The following PDE1C variants were observed in gnomAD, a reference collection of about 807,000 sequenced individuals.
The protein encoded by PDE1C is dual specificity calcium/calmodulin-dependent 3',5'-cyclic nucleotide phosphodiesterase 1C.
In PDE1C, 62 loss-of-function variants were observed where a neutral mutation model predicts 93.1. The observed-to-expected ratio is 0.67, with a 90% CI of 0.54 to 0.82. The LOEUF is 0.82. PDE1C is among the 40% of genes least tolerant of loss of function. PDE1C has a pLI of 0.00. For synonymous variants in PDE1C, 325 were observed against 310.1 expected (o/e 1.05, Z -0.50); for missense variants, 742 against 884.6 (o/e 0.84, Z 2.04).
chr7:32,233,416 T>A (rs1477690939), intron 1 of PDE1C, among the ~76,000 whole-genome samples: 1 of 152,160 alleles, frequency 6.6e-6, no homozygotes, highest in Non-Finnish European at 1.5e-5. Flanking sequence ...TAAAATGACC[T>A]AATTTATGAG....
At chr7:32,093,946 G>C (rs570506226) in intron 3 of PDE1C, among the ~76,000 whole-genome samples, 1 of 152,306 alleles carries the variant, frequency 6.6e-6, no homozygotes, top group East Asian at 1.9e-4. Flanking sequence ...CAATCTCAGG[G>C]ATAATACCCA....
At chr7:32,058,770 G>T (rs1396558418) in intron 1 of PDE1C, among the ~76,000 whole-genome samples, 1 of 152,094 alleles carries the variant, frequency 6.6e-6, no homozygotes, top group African/African-American at 2.4e-5. Flanking sequence ...ATAAACTGGT[G>T]GTCTCTTGAC....
intron 2 of PDE1C, among the ~76,000 whole-genome samples, chr7:31,940,167 C>A (rs559675070): frequency 1.3e-5 from 2 of 152,282 alleles, no homozygotes; most frequent in East Asian, 1.9e-4. Context: ...TTAGCAGAGA[C>A]AGAATTTGAA....
chr7:31,965,370 G>A (rs376868206), intron 2 of PDE1C, among the ~76,000 whole-genome samples: 11 of 152,294 alleles, frequency 7.2e-5, no homozygotes, highest in East Asian at 1.9e-4. Context: ...GATGGAAGAC[G>A]AAATGAATGA....
At chr7:32,112,810 G>A (rs1425667363) in intron 3 of PDE1C, among the ~76,000 whole-genome samples, 7 of 68,466 alleles carry the variant, frequency 1.0e-4, no homozygotes, top group Non-Finnish European at 1.9e-4. Flanking sequence ...ATATATGTGT[G>A]TGTGTGTGTG....
Position 31,968,454 on chromosome 7 carries a change from A to T in PDE1C, c.128+83100T>A, listed in dbSNP as rs1381908041. The stretch of plus-strand genomic sequence containing the variant: ...ACTACAAACCACTGCTCAATGAAAT[A>T]AAAGAGGATACAAACAAATGGAAGA... On this transcript the variant is annotated intron_variant, in intron 2 of 17. Transcript: ENST00000396191. Among the ~76,000 whole-genome samples, 10 of 152,142 alleles carry T rather than the reference A, an allele frequency of 6.6e-5. No homozygotes were observed. In the East Asian group the frequency reaches 1.7e-3, roughly 26 times the overall value.
chr7:31,691,838 A>G, the PDE1C span, among the ~76,000 whole-genome samples: 2 of 147,752 alleles, frequency 1.4e-5, no homozygotes, highest in African/African-American at 2.5e-5. Flanking sequence ...CAAAAAACCC[A>G]CAACAGAAGC....
intron 17 of PDE1C, among the ~76,000 whole-genome samples, chr7:31,761,938 C>T (rs1222612158): frequency 6.6e-6 from 1 of 152,186 alleles, no homozygotes; most frequent in Non-Finnish European, 1.5e-5. Context: ...ACTCACTTCA[C>T]AGGGCAATGG....
chr7:32,121,491 T>A (rs1292728551), intron 3 of PDE1C, among the ~76,000 whole-genome samples: 1 of 151,822 alleles, frequency 6.6e-6, no homozygotes, highest in East Asian at 1.9e-4. Context: ...AAAGGCCAGG[T>A]CATCTACATA....
chr7:31,961,392 A>G (rs998677886), intron 2 of PDE1C, among the ~76,000 whole-genome samples: 1 of 152,154 alleles, frequency 6.6e-6, no homozygotes, highest in Non-Finnish European at 1.5e-5. Context: ...AAATATATAA[A>G]GTATAATTGA....
At chr7:31,750,923 T>C (rs138402961), downstream of PDE1C, among the ~76,000 whole-genome samples, 112 of 152,322 alleles carry the variant, frequency 7.4e-4, no homozygotes, top group African/African-American at 2.6e-3. Flanking sequence ...TGATATAAAC[T>C]GAGTTGATAA....
chr7:32,012,222 G>A (rs941793878), intron 2 of PDE1C, among the ~76,000 whole-genome samples: 5 of 151,840 alleles, frequency 3.3e-5, no homozygotes, highest in African/African-American at 1.2e-4. Flanking sequence ...TTGGCCTCTA[G>A]TGAGGGCCTC....
intron 2 of PDE1C, among the ~76,000 whole-genome samples, chr7:32,045,068 T>G (rs986801030): frequency 1.4e-4 from 3 of 22,186 alleles, no homozygotes; most frequent in Non-Finnish European, 2.1e-4. Flanking sequence ...TCCCACCCCC[T>G]CCCTTCCCCC....
intron 2 of PDE1C, among the ~76,000 whole-genome samples, chr7:31,899,985 A>C (rs1282563320): frequency 1.3e-5 from 2 of 152,216 alleles, no homozygotes; most frequent in African/African-American, 4.8e-5. Flanking sequence ...GGACAGCCCC[A>C]CAGCAAAAAA....
At chr7:32,425,113 TTATATTACATATATATA>T (rs1160311555) in intron 1 of PDE1C, among the ~76,000 whole-genome samples, 3 of 151,362 alleles carry the variant, frequency 2.0e-5, no homozygotes, top group Admixed American at 6.6e-5. Context: ...AGACATTATA[TTATATTACATATATATA>T]TATTCATATA....
Position 32,118,760 on chromosome 7 carries a change from C to A in PDE1C, c.308+51025G>T, listed in dbSNP as rs558518112. On this transcript the variant is annotated intron_variant, in intron 3 of 18. Coordinates refer to the PDE1C transcript ENST00000396193. The stretch of plus-strand genomic sequence containing the variant: ...ATTCATGAGGGCAGAGTCTTCATGA[C>A]TTAATCACCTCTCAAAGGTCCTACT... Among the ~76,000 whole-genome samples, 3 of 152,304 alleles carry A rather than the reference C, an allele frequency of 2.0e-5. No individual in the cohort carries two copies. The South Asian group carries it at 6.2e-4, about 32-fold the overall frequency.
At chr7:31,758,153 G>A (rs527815848) in intron 17 of PDE1C, among the ~76,000 whole-genome samples, 23 of 152,200 alleles carry the variant, frequency 1.5e-4, no homozygotes, top group African/African-American at 5.1e-4. Flanking sequence ...GTCATGGGGT[G>A]GGGGGAGGCA....
chr7:32,193,919 T>TTTG (rs1804416653), intron 2 of PDE1C, among the ~76,000 whole-genome samples: 2 of 133,750 alleles, frequency 1.5e-5, no homozygotes, highest in East Asian at 4.3e-4. Context: ...TTGTTTTGTT[T>TTTG]TTTTTTTTTT....
the PDE1C span, chr7:31,697,014 T>A: frequency 1.2e-6 from 2 of 1,614,134 alleles, no homozygotes; most frequent in Non-Finnish European, 1.7e-6. Context: ...AAGAGAGACA[T>A]CCAAAGGGCA....
Sources: gnomAD v4.1 joint callset for allele counts (sites outside exome capture counted in the v4.1 genomes callset) on GRCh38, gnomAD v4.1.1 for gene constraint, MANE v1.5 for transcripts, NCBI Gene and HGNC (gene_info 2026-07-23, HGNC 2026-07-21) for gene names.